HPX: variants seen among roughly 807,000 people sequenced by gnomAD.
HPX encodes the protein beta-1B-glycoprotein.
HPX carries 42 observed loss-of-function variants against 53.8 expected under a neutral mutation model. The ratio of observed to expected loss-of-function variants is 0.78; its 90% CI spans 0.61 to 1.01. The LOEUF is 1.01. Ranked by LOEUF, HPX falls within the 50% of genes least tolerant of loss-of-function variation. HPX has a pLI of 0.00. For synonymous variants in HPX, 229 were observed against 221.1 expected (o/e 1.04, Z -0.32); for missense variants, 547 against 594.3 (o/e 0.92, Z 0.83).
rs1366458321 is a variant in HPX, at chr11:6,431,167, G to T, written c.*44C>A. On this transcript the variant is annotated 3_prime_UTR_variant, in exon 10 of 10. Coordinates refer to ENST00000265983, the MANE Select transcript of HPX (RefSeq NM_000613.3). ...AGAAGCAATCTGTCTTTATTATGAG[G>T]AACTAGGAGGTGGGGCCAGGCCAGA... 6.2e-7 allele frequency: 1 copy of T among 1,608,962 alleles called. No homozygotes were observed. The highest frequency in any genetic ancestry group is 1.3e-5 in the African/African-American group (1 of 74,692).
chr11:6,432,151 G>A, intron 7 of HPX, 134 bp from the exon 8 acceptor site: 1 of 966,366 alleles, frequency 1.0e-6, no homozygotes. Flanking sequence ...GGCCAGGTGA[G>A]AAGGAGAAAT....
intron 7 of HPX, among the ~76,000 whole-genome samples, chr11:6,433,126 G>A (rs1216549947): frequency 2.0e-5 from 3 of 152,208 alleles, no homozygotes; most frequent in Non-Finnish European, 4.4e-5. Flanking sequence ...CACGAAAGCT[G>A]AGTCATTCTT....
intron 6 of HPX, 37 bp downstream of exon 6, chr11:6,437,403 G>A (rs1849429488): frequency 1.9e-6 from 3 of 1,570,986 alleles, no homozygotes; most frequent in African/African-American, 1.3e-5. Flanking sequence ...GAAAGTGGAT[G>A]AATTCTGACA....
chr11:6,435,004 G>A (rs908483818), intron 7 of HPX, among the ~76,000 whole-genome samples: 1 of 152,030 alleles, frequency 6.6e-6, no homozygotes. Flanking sequence ...CGAGGCAGGC[G>A]GATCACCTGA....
At chr11:6,433,924 C>G (rs1310305037) in intron 7 of HPX, among the ~76,000 whole-genome samples, 3 of 152,208 alleles carry the variant, frequency 2.0e-5, no homozygotes, top group Admixed American at 6.5e-5. Context: ...AATTCCTTCT[C>G]ATCACTGAAG....
chr11:6,435,398 C>T (rs1046459923), intron 7 of HPX, among the ~76,000 whole-genome samples: 3 of 149,042 alleles, frequency 2.0e-5, no homozygotes, highest in Non-Finnish European at 4.4e-5. Context: ...ATAGTGCATT[C>T]TCACCTCAGC....
Position 6,432,072 on chromosome 11 carries a change from G to A in HPX, c.836-55C>T, listed in dbSNP as rs929159897. ...CGCTGGCAGAAGCCCAGGCAGAGAA[G>A]AGGCTAGTGATGAATGCAGAAATGA... On this transcript the variant is annotated intron_variant, in intron 7 of 9. Coordinates refer to ENST00000265983, the MANE Select transcript of HPX (RefSeq NM_000613.3). 1.0e-5 allele frequency: 16 copies of A among 1,603,322 alleles called. 1 individual carries two copies. In the South Asian group the frequency reaches 1.8e-4, roughly 18 times the overall value.
chr11:6,440,446 C>A, intron 3 of HPX, 21 bp downstream of exon 3: 1 of 1,606,208 alleles, frequency 6.2e-7, no homozygotes, highest in South Asian at 1.1e-5. Context: ...TCCTAAACGC[C>A]CTAACCTCAG....
chr11:6,438,427 G>C lies in HPX; in HGVS notation c.419C>G (p.Pro140Arg), dbSNP rs190143297. The part of the protein sequence containing the change: ...KLLQDEFPGI[P>R]SPLDAAVECH... ...TTCCACAGCTGCATCCAGTGGGGAT[G>C]GGATTCCAGGAAATTCATCTTGGAG... Residue 140 changes from proline (P) to arginine (R), a missense_variant, in exon 5 of 10, where the codon CCA becomes CGA. Physicochemically the swap from Pro to Arg is moderately radical, Grantham distance 103. Transcript: ENST00000265983. 263 of 1,613,882 alleles carry C rather than the reference G, an allele frequency of 1.6e-4. No homozygotes were observed. Among genetic ancestry groups the C allele is most frequent in the Non-Finnish European group, 2.2e-4 (257 of 1,179,896 alleles).
intron 2 of HPX, 25 bp downstream of exon 2, chr11:6,440,647 C>G (rs1564956696): frequency 6.4e-7 from 1 of 1,571,482 alleles, no homozygotes; most frequent in East Asian, 2.4e-5. Context: ...ACAGATAAGA[C>G]AGACTTAGGG....
chr11:6,431,462 G>C lies in HPX; in HGVS notation c.1138C>G (p.Leu380Val). 6.2e-7 allele frequency: 1 copy of C among 1,614,190 alleles called. No individual in the cohort carries two copies. The highest frequency in any genetic ancestry group is 8.5e-7 in the Non-Finnish European group (1 of 1,180,032). ...SRLHIMAGRR[L>V]WWLDLKSGAQ... is the part of the protein sequence containing the mutation. ...CCTGACTTCAGGTCCAGCCACCACA[G>C]CCGCCGTCCTGGGGAGAAGGCACCA... Residue 380 changes from leucine (L) to valine (V), a missense_variant, in exon 10 of 10, where the codon CTG becomes GTG. By Grantham distance (32) the Leu-to-Val change is conservative. Transcript: ENST00000265983.
chr11:6,435,617 T>C lies in HPX; in HGVS notation c.835+1429A>G, dbSNP rs114195235. Among the ~76,000 whole-genome samples the C allele has an allele frequency of 5.2e-3, 791 of 152,214 alleles. 9 individuals carry two copies. Among genetic ancestry groups the C allele is most frequent in the African/African-American group, 0.018 (742 of 41,516 alleles). On this transcript the variant is annotated intron_variant, in intron 7 of 9. Transcript: ENST00000265983. ...ACGCACTACCACACCCGACTAATTT[T>C]TATATTTTTTGTAGAGATGAGGTTT...
Position 6,431,254 on chromosome 11 carries a change from G to A in HPX, c.1346C>T (p.Pro449Leu), listed in dbSNP as rs770220351. The A allele has an allele frequency of 2.4e-5, 38 of 1,614,126 alleles. No homozygotes were observed. Among genetic ancestry groups the A allele is most frequent in the South Asian group, 4.4e-5 (4 of 91,094 alleles). The change falls in exon 10 of 10, where the codon CCG becomes CTG. Residue 449 changes from proline to leucine, a missense_variant. Transcript: ENST00000265983. ...GAGACTGGTCACATTCTGGGGTTGC[G>A]GAAGGGCCTTGGCTGCATTCAGTTT... ...VEKLNAAKAL[P>L]QPQNVTSLLG...
chr11:6,439,147 CAAGT>C (rs1309835118), intron 4 of HPX, among the ~76,000 whole-genome samples: 1 of 152,160 alleles, frequency 6.6e-6, no homozygotes, highest in African/African-American at 2.4e-5. Context: ...TCCAGGTTGA[CAAGT>C]GAGGAAAGGG....
chr11:6,432,058 G>GC (rs1433121169), intron 7 of HPX, 41 bp from the exon 8 acceptor site: 10 of 1,612,018 alleles, frequency 6.2e-6, no homozygotes, highest in Non-Finnish European at 6.8e-6. Context: ...GCTGGCAGAA[G>GC]CCCAGGCAGA....
intron 7 of HPX, among the ~76,000 whole-genome samples, chr11:6,434,616 C>A (rs1366069094): frequency 6.6e-6 from 1 of 152,232 alleles, no homozygotes; most frequent in East Asian, 1.9e-4. Context: ...TAGGCATGAG[C>A]CACCACACCT....
At chr11:6,437,273 G>C in intron 6 of HPX, 96 bp from the exon 7 acceptor site, 2 of 1,469,068 alleles carry the variant, frequency 1.4e-6, no homozygotes, top group Non-Finnish European at 9.3e-7. Flanking sequence ...TGGGGTGTGG[G>C]TTTCCCCATA....
At chr11:6,438,566 A>AT in intron 4 of HPX, 57 bp from the exon 5 acceptor site, 1 of 1,481,344 alleles carries the variant, frequency 6.8e-7, no homozygotes, top group Non-Finnish European at 9.4e-7. Context: ...GCCACTCTGC[A>AT]TTTACACACA....
chr11:6,437,233 G>C, intron 6 of HPX, 56 bp from the exon 7 acceptor site: 5 of 1,571,678 alleles, frequency 3.2e-6, no homozygotes, highest in Non-Finnish European at 4.3e-6. Flanking sequence ...TCAGAGTGAG[G>C]TCCAAGGTGG....
Sources: allele counts gnomAD v4.1 joint callset (sites outside exome capture counted in the v4.1 genomes callset), GRCh38; gene constraint gnomAD v4.1.1; transcripts MANE v1.5; gene names NCBI Gene and HGNC (gene_info 2026-07-23, HGNC 2026-07-21).